DIP2C: variants seen among roughly 807,000 people sequenced by gnomAD.
The protein encoded by DIP2C is disco-interacting protein 2 homolog C.
Under a neutral mutation model 192.4 loss-of-function variants are expected in DIP2C, and 33 were observed. The ratio of observed to expected loss-of-function variants is 0.17; its 90% CI spans 0.13 to 0.23. DIP2C has a LOEUF of 0.23. Among genes scored for constraint, DIP2C ranks in the 10% least tolerant of loss-of-function variants. The probability of loss-of-function intolerance (pLI) is 1.00; values close to 1 mark genes in which losing one functional copy is unlikely to be tolerated. For synonymous variants in DIP2C, 979 were observed against 864.1 expected (o/e 1.13, Z -2.33); for missense variants, 1,537 against 2,110.1 (o/e 0.73, Z 5.32).
At chr10:646,607 C>T (rs1855470437) in intron 1 of DIP2C, among the ~76,000 whole-genome samples, 1 of 152,222 alleles carries the variant, frequency 6.6e-6, no homozygotes, top group African/African-American at 2.4e-5. Context: ...AATTTTATAA[C>T]ACTTGGCTAT....
At chr10:486,780 G>A (rs958005925) in intron 1 of DIP2C, among the ~76,000 whole-genome samples, 8 of 152,114 alleles carry the variant, frequency 5.3e-5, no homozygotes, top group African/African-American at 1.7e-4. Context: ...GTATTTATCC[G>A]GATGGGGTCC....
intron 1 of DIP2C, among the ~76,000 whole-genome samples, chr10:536,923 C>G (rs936590427): frequency 1.1e-4 from 17 of 152,172 alleles, no homozygotes; most frequent in African/African-American, 3.9e-4. Flanking sequence ...TTCTGTTTTT[C>G]CCAGAACTTA....
intron 9 of DIP2C, among the ~76,000 whole-genome samples, chr10:405,172 G>GGA (rs1466822870): frequency 6.6e-6 from 1 of 152,214 alleles, no homozygotes; most frequent in African/African-American, 2.4e-5. Context: ...CAGCTGAGAC[G>GGA]GAGAGGATGC....
At chr10:624,890 A>G (rs941431336) in intron 1 of DIP2C, among the ~76,000 whole-genome samples, 1 of 151,898 alleles carries the variant, frequency 6.6e-6, no homozygotes, top group Non-Finnish European at 1.5e-5. Flanking sequence ...GGGGAGCCGC[A>G]CTGGGGACAG....
chr10:640,657 G>A (rs1855125359), intron 1 of DIP2C, among the ~76,000 whole-genome samples: 3 of 142,496 alleles, frequency 2.1e-5, no homozygotes. Context: ...GCGCGGGGAA[G>A]AGGGTGCGCG....
chr10:336,984 G>A (rs1466019849), intron 29 of DIP2C, among the ~76,000 whole-genome samples: 2 of 133,184 alleles, frequency 1.5e-5, no homozygotes, highest in African/African-American at 2.6e-5. Context: ...GCAGCTGTGT[G>A]TGTGTGTGTT....
At chr10:383,504 G>A (rs1386221112) in intron 16 of DIP2C, among the ~76,000 whole-genome samples, 1 of 152,200 alleles carries the variant, frequency 6.6e-6, no homozygotes, top group African/African-American at 2.4e-5. Flanking sequence ...CTGTGGAGCT[G>A]CTAATTTACT....
At chr10:495,677 G>C (rs1266119134) in intron 1 of DIP2C, among the ~76,000 whole-genome samples, 10 of 152,072 alleles carry the variant, frequency 6.6e-5, no homozygotes, top group Admixed American at 6.5e-4. Flanking sequence ...GTCCCTGATA[G>C]AAAATGGCTC....
chr10:436,179 G>A (rs529753302), intron 4 of DIP2C, among the ~76,000 whole-genome samples: 1 of 152,340 alleles, frequency 6.6e-6, no homozygotes, highest in East Asian at 1.9e-4. Flanking sequence ...TTGCATGTGT[G>A]TCCACATTTT....
At chr10:583,262 T>TCA (rs1850779062) in intron 1 of DIP2C, among the ~76,000 whole-genome samples, 2 of 152,240 alleles carry the variant, frequency 1.3e-5, no homozygotes, top group African/African-American at 4.8e-5. Flanking sequence ...ACACGGCATA[T>TCA]CACTAAAGCG....
chr10:356,348 AAG>A, intron 24 of DIP2C, 76 bp downstream of exon 24: 1 of 1,497,524 alleles, frequency 6.7e-7, no homozygotes, highest in Non-Finnish European at 9.2e-7. Context: ...GATTCAAAGA[AAG>A]AAGCAGGAGC....
intron 33 of DIP2C, among the ~76,000 whole-genome samples, chr10:287,506 G>A (rs1023298363): frequency 2.0e-5 from 3 of 152,042 alleles, no homozygotes; most frequent in African/African-American, 4.8e-5. Flanking sequence ...ACTATGGTCC[G>A]CCAGACTGTT....
At chr10:414,636 T>C (rs1326173177) in intron 7 of DIP2C, among the ~76,000 whole-genome samples, 1 of 149,744 alleles carries the variant, frequency 6.7e-6, no homozygotes, top group East Asian at 2.0e-4. Context: ...CAGCCTCTGC[T>C]ACAGTCCTAG....
intron 1 of DIP2C, among the ~76,000 whole-genome samples, chr10:628,298 G>T (rs1470649960): frequency 4.6e-5 from 7 of 152,208 alleles, no homozygotes; most frequent in Admixed American, 4.6e-4. Flanking sequence ...ATGGGCCTGT[G>T]GTTATTCCCT....
chr10:616,068 T>C (rs1009998443), intron 1 of DIP2C, among the ~76,000 whole-genome samples: 9 of 152,178 alleles, frequency 5.9e-5, no homozygotes, highest in Non-Finnish European at 1.0e-4. Flanking sequence ...GCAGATCTCC[T>C]CCTTGAGTGT....
At chr10:575,168 C>T (rs961775848) in intron 1 of DIP2C, among the ~76,000 whole-genome samples, 4 of 152,220 alleles carry the variant, frequency 2.6e-5, no homozygotes, top group Non-Finnish European at 5.9e-5. Flanking sequence ...AGCAAAACTA[C>T]TCCAGGGCAT....
chr10:349,517 G>A (rs1045457814), intron 24 of DIP2C, 63 bp from the exon 25 acceptor site: 117 of 1,562,656 alleles, frequency 7.5e-5, no homozygotes, highest in Middle Eastern at 1.7e-4. Flanking sequence ...TGCAGAGAGC[G>A]CGCACGCGTC....
chr10:528,366 ACGCAGACCGCCCGCAG>A (rs1847178346), intron 1 of DIP2C, among the ~76,000 whole-genome samples: 1 of 91,292 alleles, frequency 1.1e-5, no homozygotes, highest in African/African-American at 8.3e-5. Context: ...CCCACCCAGA[ACGCAGACCGCCCGCAG>A]CTCCCCCAGA....
At chr10:553,457 T>TG (rs1302752439) in intron 1 of DIP2C, among the ~76,000 whole-genome samples, 2 of 152,202 alleles carry the variant, frequency 1.3e-5, no homozygotes, top group Admixed American at 1.3e-4. Context: ...CTAACCACCC[T>TG]GCACAGAAGC....
Sources: allele counts gnomAD v4.1 joint callset (sites outside exome capture counted in the v4.1 genomes callset), GRCh38; gene constraint gnomAD v4.1.1; transcripts MANE v1.5; gene names NCBI Gene and HGNC (gene_info 2026-07-23, HGNC 2026-07-21).